Variants in TMED5 observed in about 807,000 individuals in gnomAD.
TMED5 encodes the protein transmembrane emp24 domain-containing protein 5.
In TMED5, 27 loss-of-function variants were observed where a neutral mutation model predicts 23.0. That is an observed-to-expected ratio of 1.17 (90% CI 0.86 to 1.62). TMED5 has a LOEUF of 1.62. Ranked by LOEUF, TMED5 falls within the 40% of genes most tolerant of loss-of-function variation. TMED5 has a pLI of 0.00. For missense variants in TMED5, 248 were observed against 273.7 expected (o/e 0.91, Z 0.66); for synonymous variants, 97 against 100.8 (o/e 0.96, Z 0.23).
At chr1:93,173,600 T>A (rs1571283616) in intron 1 of TMED5, among the ~76,000 whole-genome samples, 1 of 152,216 alleles carries the variant, frequency 6.6e-6, no homozygotes, top group Admixed American at 6.5e-5. Flanking sequence ...ATACTAGTTT[T>A]GATGCATTTA....
rs1188071229 is a variant in TMED5, at chr1:93,154,269, T to C, written c.*401A>G. Reference sequence around the variant, plus strand: ...TGATTTATAACTTAAAACTGAAAACTTCCACAGTTAATTTGTAACTGCCGC... The same window carrying C: ...TGATTTATAACTTAAAACTGAAAACCTCCACAGTTAATTTGTAACTGCCGC... On this transcript the variant is annotated 3_prime_UTR_variant, in exon 4 of 4. Coordinates refer to ENST00000370282, the MANE Select transcript of TMED5 (RefSeq NM_016040.5). 6.1e-6 allele frequency: 1 copy of C among 164,634 alleles called. No individual in the cohort carries two copies. The highest frequency in any genetic ancestry group is 2.4e-5 in the African/African-American group (1 of 41,698). 10.2% of individuals were successfully genotyped at this position (164,634 alleles called of 1,614,324 possible).
intron 1 of TMED5, among the ~76,000 whole-genome samples, chr1:93,178,471 C>T (rs1649014626): frequency 6.6e-6 from 1 of 152,140 alleles, no homozygotes; most frequent in African/African-American, 2.4e-5. Flanking sequence ...TCTACTGGTA[C>T]TTAGCCATCC....
intron 1 of TMED5, among the ~76,000 whole-genome samples, chr1:93,177,707 C>A (rs1336406525): frequency 6.6e-6 from 1 of 150,746 alleles, no homozygotes; most frequent in Non-Finnish European, 1.5e-5. Flanking sequence ...AATTAACATT[C>A]ATTGATTATT....
rs1647959374 is a variant in TMED5, at chr1:93,153,664, C to CTT, written c.*1004_*1005dup. The CTT allele has an allele frequency of 6.6e-6, 1 of 151,990 alleles. No homozygotes were observed. The highest frequency in any genetic ancestry group is 2.4e-5 in the African/African-American group (1 of 41,418). The allele number at this position is 151,990 out of a possible 1,614,324, so 9.4% of individuals were successfully genotyped here. A position where few individuals can be genotyped will look rare whatever the true frequency, so the allele number is the denominator to read the frequency against. ...AGGTTTTCTCAAGTTTTTCTAAATT[C>CTT]TTTCCTGTTTCTGATAATTCTTAGA... On this transcript the variant is annotated 3_prime_UTR_variant, in exon 4 of 4. Transcript: ENST00000370282.
At chr1:93,155,828 A>G (rs1027903025) in intron 3 of TMED5, among the ~76,000 whole-genome samples, 4 of 152,206 alleles carry the variant, frequency 2.6e-5, no homozygotes, top group African/African-American at 9.6e-5. Flanking sequence ...GTATTTACCT[A>G]TTACATAATG....
At chr1:93,179,376 A>C (rs1265499178) in intron 1 of TMED5, among the ~76,000 whole-genome samples, 1 of 152,124 alleles carries the variant, frequency 6.6e-6, no homozygotes, top group Non-Finnish European at 1.5e-5. Context: ...TCAAAAAAAA[A>C]AAAAAAAAAC....
At chr1:93,173,964 T>C (rs916669167) in intron 1 of TMED5, among the ~76,000 whole-genome samples, 4 of 151,972 alleles carry the variant, frequency 2.6e-5, no homozygotes, top group African/African-American at 9.7e-5. Context: ...GGTTTTTTTT[T>C]GTTTTTTTTT....
chr1:93,169,772 G>GCAC (rs974925460), intron 1 of TMED5, among the ~76,000 whole-genome samples: 1 of 151,994 alleles, frequency 6.6e-6, no homozygotes, highest in Non-Finnish European at 1.5e-5. Flanking sequence ...TAATGGCCAG[G>GCAC]CGTGGTGGCC....
In TMED5 at chr1:93,179,367, C is replaced by CAAA. The variant is rs11332484; in HGVS notation, c.189+684_189+686dup. Among the ~76,000 whole-genome samples the CAAA allele has an allele frequency of 1.3e-3, 123 of 96,154 alleles. 1 individual carries two copies. The highest frequency in any genetic ancestry group is 4.7e-3 in the African/African-American group (118 of 25,132). 63.1% of individuals were successfully genotyped at this position (96,154 alleles called of 152,430 possible). ...TGAGCAACAAAGCGAGACTCCGTCT[C>CAAA]AAAAAAAAAAAAAAAAAACAATGAC... On this transcript the variant is annotated intron_variant, in intron 1 of 3. Coordinates refer to ENST00000370282, the MANE Select transcript of TMED5 (RefSeq NM_016040.5).
intron 1 of TMED5, chr1:93,163,328 A>T (rs996368976): frequency 7.3e-5 from 11 of 151,694 alleles, no homozygotes; most frequent in African/African-American, 1.5e-4. Context: ...AAGGTTAATT[A>T]AAAAATCATA....
At chr1:93,158,950 T>A in intron 2 of TMED5, 3 of 622,180 alleles carry the variant, frequency 4.8e-6, no homozygotes, top group Non-Finnish European at 4.0e-6. Flanking sequence ...AATTACTATT[T>A]CTATCTTATT....
In TMED5 at chr1:93,154,761, A is replaced by G. The variant is rs116536133; in HGVS notation, c.599T>C (p.Met200Thr). Residue 200 changes from methionine to threonine, a missense_variant, in exon 4 of 4, where the codon ATG (methionine) becomes ACG (threonine). By Grantham distance (81) the Met-to-Thr change is moderately conservative. Coordinates refer to ENST00000370282, the MANE Select transcript of TMED5 (RefSeq NM_016040.5). ...SNFDRVNFWS[M>T]VNLVVMVVVS... ...CACCACCATGACCACTAAATTAACCATAGACCAGAAATTGACTCTATCAAA... is the reference window on the plus strand; with the variant it reads ...CACCACCATGACCACTAAATTAACCGTAGACCAGAAATTGACTCTATCAAA... 2,558 of 1,614,078 alleles carry G rather than the reference A, an allele frequency of 1.6e-3. 38 individuals carry two copies. The African/African-American group carries it at 0.03, about 19-fold the overall frequency.
chr1:93,170,354 A>C (rs1023749994), intron 1 of TMED5, among the ~76,000 whole-genome samples: 5 of 152,296 alleles, frequency 3.3e-5, no homozygotes, highest in Non-Finnish European at 7.4e-5. Context: ...GCGGCCCCGC[A>C]CTGGGAGCGG....
At chr1:93,160,889 CTTTT>C (rs1244584795) in intron 1 of TMED5, 9 of 134,632 alleles carry the variant, frequency 6.7e-5, no homozygotes, top group African/African-American at 2.5e-4. Context: ...TTGTATATAA[CTTTT>C]TTGTTTCCTC....
At chr1:93,175,447 G>A (rs1648881402) in intron 1 of TMED5, among the ~76,000 whole-genome samples, 1 of 147,598 alleles carries the variant, frequency 6.8e-6, no homozygotes. Context: ...TAAAATGTGT[G>A]TATATATAAT....
At chr1:93,158,935 T>A in intron 2 of TMED5, 1 of 734,790 alleles carries the variant, frequency 1.4e-6, no homozygotes, top group Non-Finnish European at 1.7e-6. Context: ...TAAACTGACT[T>A]TTAAAATTAC....
chr1:93,156,660 G>A (rs1648084040), intron 2 of TMED5, among the ~76,000 whole-genome samples, 177 bp from the exon 3 acceptor site: 1 of 151,900 alleles, frequency 6.6e-6, no homozygotes, highest in African/African-American at 2.4e-5. Flanking sequence ...AGACCAGCCT[G>A]GGTAACATGG....
rs6670332 is a variant in TMED5 at position 93,154,963 on chromosome 1, T to C, written c.472-75A>G. On this transcript the variant is annotated intron_variant, in intron 3 of 3. Transcript: ENST00000370282. ...AACTTAATTAAAAAATGAGGCTGGG[T>C]GCAGTGACTCATGCCTTGTAATCCT... The C allele has an allele frequency of 7.2e-3, 7,724 of 1,077,516 alleles. 241 individuals are homozygous for C. In the African/African-American group the frequency reaches 0.085, roughly 12 times the overall value. 66.7% of individuals were successfully genotyped at this position (1,077,516 alleles called of 1,614,324 possible). A position where few individuals can be genotyped will look rare whatever the true frequency, so the allele number is the denominator to read the frequency against.
chr1:93,168,557 T>C (rs941656225), intron 1 of TMED5, among the ~76,000 whole-genome samples: 8 of 152,200 alleles, frequency 5.3e-5, no homozygotes, highest in Non-Finnish European at 1.2e-4. Flanking sequence ...CATTACTGGC[T>C]GGGCATGGTG....
Sources: allele counts gnomAD v4.1 joint callset (sites outside exome capture counted in the v4.1 genomes callset), GRCh38; gene constraint gnomAD v4.1.1; transcripts MANE v1.5; gene names NCBI Gene and HGNC (gene_info 2026-07-23, HGNC 2026-07-21).